The following BIRC6 variants were observed in gnomAD, a reference collection of about 807,000 sequenced individuals.
BIRC6 encodes dual E2 ubiquitin-conjugating enzyme/E3 ubiquitin-protein ligase BIRC6.
BIRC6 carries 98 observed loss-of-function variants against 503.3 expected under a neutral mutation model. The observed-to-expected ratio is 0.19, with a 90% confidence interval of 0.17 to 0.23. The LOEUF (loss-of-function observed/expected upper bound fraction) is 0.23. Among genes scored for constraint, BIRC6 ranks in the 10% least tolerant of loss-of-function variants. BIRC6 has a pLI of 1.00. For synonymous variants in BIRC6, 2,240 were observed against 2,078.7 expected (o/e 1.08, Z -2.11); for missense variants, 5,360 against 5,806.0 (o/e 0.92, Z 2.50).
At chr2:32,509,710 G>A in intron 51 of BIRC6, 28 bp from the exon 52 acceptor site, 1 of 1,612,262 alleles carries the variant, frequency 6.2e-7, no homozygotes, top group Non-Finnish European at 8.5e-7. Context: ...GACTTATATT[G>A]ATCATACAAG....
intron 22 of BIRC6, among the ~76,000 whole-genome samples, chr2:32,449,490 C>T (rs533247603): frequency 5.6e-4 from 85 of 152,162 alleles, no homozygotes; most frequent in African/African-American, 1.7e-3. Context: ...CTAAAATTTG[C>T]TGTTTATTTT....
chr2:32,440,484 C>T (rs2045288732), intron 16 of BIRC6, among the ~76,000 whole-genome samples: 1 of 152,068 alleles, frequency 6.6e-6, no homozygotes. Flanking sequence ...TCCTGGAAGT[C>T]AGGAAGGAGG....
intron 10 of BIRC6, among the ~76,000 whole-genome samples, chr2:32,427,858 T>A (rs11686349): frequency 0.024 from 3,613 of 152,272 alleles, 50 homozygotes; most frequent in South Asian, 0.059. Context: ...TCTGGATTCG[T>A]ATCTCCCTAC....
intron 61 of BIRC6, among the ~76,000 whole-genome samples, chr2:32,538,270 C>T (rs1412351489): frequency 6.6e-6 from 1 of 151,960 alleles, no homozygotes; most frequent in East Asian, 1.9e-4. Flanking sequence ...TAGCTTGCTC[C>T]AGAATTATTA....
intron 68 of BIRC6, among the ~76,000 whole-genome samples, chr2:32,597,522 A>G (rs1260129462): frequency 6.6e-6 from 1 of 152,196 alleles, no homozygotes; most frequent in Non-Finnish European, 1.5e-5. Context: ...AAGTTAAAGA[A>G]AATGTATCCC....
rs139245193 is a variant in BIRC6, at chr2:32,538,919, AAATGAATGAATG to A, written c.12292-4303_12292-4292del. On this transcript the variant is annotated intron_variant, in intron 61 of 73. Transcript: ENST00000421745. ...TGAGACTCCATCTCTATGATTGAAC[AAATGAATGAATG>A]AATGAATGAATGAATGAAAGTGTAT... 8.9e-3 allele frequency among the ~76,000 whole-genome samples: 1,355 copies of A among 152,192 alleles called. 22 individuals are homozygous for A. The highest frequency in any genetic ancestry group is 0.031 in the African/African-American group (1,286 of 41,494).
chr2:32,524,880 T>G lies in BIRC6; in HGVS notation c.11624-8T>G, dbSNP rs2056119962. 1 of 1,428,120 alleles carries G rather than the reference T, an allele frequency of 7.0e-7. No individual in the cohort carries two copies. The highest frequency in any genetic ancestry group is 9.3e-7 in the Non-Finnish European group (1 of 1,069,656). The allele number at this position is 1,428,120 out of a possible 1,614,324, so 88.5% of individuals were successfully genotyped here. A position where few individuals can be genotyped will look rare whatever the true frequency, so the allele number is the denominator to read the frequency against. On this transcript the variant is annotated splice_polypyrimidine_tract_variant and splice_region_variant and intron_variant, in intron 57 of 73. Transcript: ENST00000421745. The stretch of plus-strand genomic sequence containing the variant: ...AAGCAGTGTATTTTAGATAATATCT[T>G]CTTACAGATACTCCAAGTATCACAG...
chr2:32,591,870 G>A (rs2061403118), intron 66 of BIRC6, among the ~76,000 whole-genome samples: 1 of 152,148 alleles, frequency 6.6e-6, no homozygotes, highest in African/African-American at 2.4e-5. Context: ...AATTCAAAGT[G>A]GGTACTGTCA....
chr2:32,390,764 C>T (rs1338065640), intron 4 of BIRC6, among the ~76,000 whole-genome samples: 6 of 152,188 alleles, frequency 3.9e-5, no homozygotes. Flanking sequence ...TTTAGTATGG[C>T]TCTTCTAGTT....
At chr2:32,546,718 T>C (rs1416829311) in intron 63 of BIRC6, among the ~76,000 whole-genome samples, 1 of 152,172 alleles carries the variant, frequency 6.6e-6, no homozygotes, top group African/African-American at 2.4e-5. Context: ...TAAAGATATA[T>C]TTTAGAATAG....
Position 32,618,001 on chromosome 2 carries a change from T to C in BIRC6, c.*97T>C, listed in dbSNP as rs1468927470. 3.5e-6 allele frequency: 4 copies of C among 1,159,222 alleles called. No homozygotes were observed. The highest frequency in any genetic ancestry group is 2.6e-5 in the East Asian group (1 of 38,770). The allele number at this position is 1,159,222 out of a possible 1,614,324, so 71.8% of individuals were successfully genotyped here. A position where few individuals can be genotyped will look rare whatever the true frequency, so the allele number is the denominator to read the frequency against. On this transcript the variant is annotated 3_prime_UTR_variant, in exon 74 of 74. Coordinates refer to ENST00000421745, the MANE Select transcript of BIRC6 (RefSeq NM_016252.4). ...AAGAAACTAATTATGTAATAGGTAA[T>C]GAAACTGAAACTATACTATGCCCTT...
chr2:32,577,490 T>C (rs2060343409), intron 66 of BIRC6, among the ~76,000 whole-genome samples: 1 of 152,174 alleles, frequency 6.6e-6, no homozygotes, highest in African/African-American at 2.4e-5. Context: ...TGTTACAAAG[T>C]GAAAATAAAA....
chr2:32,385,919 AT>A (rs1427215180), intron 3 of BIRC6, among the ~76,000 whole-genome samples: 6 of 152,306 alleles, frequency 3.9e-5, no homozygotes, highest in African/African-American at 1.4e-4. Context: ...TCTGGAGGGA[AT>A]ATCCTGACAT....
chr2:32,579,214 A>G (rs990186046), intron 66 of BIRC6, among the ~76,000 whole-genome samples: 2 of 151,748 alleles, frequency 1.3e-5, no homozygotes, highest in African/African-American at 4.8e-5. Context: ...TGGGGATGAG[A>G]GAAATTAAAG....
intron 5 of BIRC6, among the ~76,000 whole-genome samples, chr2:32,394,488 T>C (rs2039623730): frequency 6.6e-6 from 1 of 152,148 alleles, no homozygotes; most frequent in Non-Finnish European, 1.5e-5. Flanking sequence ...TACTTTGCTT[T>C]CCCTTTTTAC....
At chr2:32,479,110 A>T (rs1374845631) in intron 36 of BIRC6, among the ~76,000 whole-genome samples, 3 of 152,326 alleles carry the variant, frequency 2.0e-5, no homozygotes, top group Non-Finnish European at 2.9e-5. Flanking sequence ...TATGCTGCTT[A>T]CTGGGTGGGG....
At position 32,476,352 on chromosome 2, in the gene BIRC6, C is replaced by CTA; in HGVS notation, c.6852+11_6852+12dup. On this transcript the variant is annotated intron_variant, in intron 34 of 73. Coordinates refer to ENST00000421745, the MANE Select transcript of BIRC6 (RefSeq NM_016252.4). ...AAGCAGGCCACTTCAAAGGTATGAT[C>CTA]TATACTTTTCAATATAGTTATCTCA... 1.9e-6 allele frequency: 3 copies of CTA among 1,561,652 alleles called. No individual in the cohort carries two copies. Among genetic ancestry groups the CTA allele is most frequent in the Non-Finnish European group, 2.6e-6 (3 of 1,154,262 alleles).
chr2:32,396,247 A>G (rs1165569064), intron 6 of BIRC6, among the ~76,000 whole-genome samples: 1 of 152,102 alleles, frequency 6.6e-6, no homozygotes, highest in Non-Finnish European at 1.5e-5. Context: ...GGGAACTATG[A>G]ATATTTTCCA....
intron 57 of BIRC6, among the ~76,000 whole-genome samples, chr2:32,519,408 C>T (rs953589454): frequency 1.3e-5 from 2 of 152,132 alleles, no homozygotes; most frequent in South Asian, 2.1e-4. Flanking sequence ...GAACATTTTC[C>T]CCTAGGTTCT....
Sources: gnomAD v4.1 joint callset for allele counts (sites outside exome capture counted in the v4.1 genomes callset) on GRCh38, gnomAD v4.1.1 for gene constraint, MANE v1.5 for transcripts, NCBI Gene and HGNC (gene_info 2026-07-23, HGNC 2026-07-21) for gene names.